The following PHLPP1 variants were observed in gnomAD, a reference collection of about 807,000 sequenced individuals.
PHLPP1 encodes the protein PH domain leucine-rich repeat-containing protein phosphatase 1.
In PHLPP1, 42 loss-of-function variants were observed where a neutral mutation model predicts 117.2. The observed-to-expected ratio is 0.36, with a 90% CI of 0.28 to 0.46. The LOEUF is 0.46. Ranked by LOEUF, PHLPP1 falls within the 20% of genes least tolerant of loss-of-function variation. The pLI, the probability that PHLPP1 is intolerant of heterozygous loss-of-function variation, is 1.00. For missense variants in PHLPP1, 2,084 were observed against 2,241.9 expected (o/e 0.93, Z 1.42); for synonymous variants, 1,042 against 970.7 (o/e 1.07, Z -1.37).
intron 2 of PHLPP1, among the ~76,000 whole-genome samples, chr18:62,834,154 T>A (rs1046594596): frequency 6.6e-6 from 1 of 152,164 alleles, no homozygotes. Flanking sequence ...CCCAGCCTGA[T>A]GAAGTCTTGG....
chr18:62,964,521 G>GT (rs1910853239), intron 14 of PHLPP1, among the ~76,000 whole-genome samples: 2 of 152,118 alleles, frequency 1.3e-5, no homozygotes, highest in African/African-American at 4.8e-5. Context: ...TTTCCCTAAG[G>GT]TGTCATTTGG....
chr18:62,918,494 A>G (rs923902289), intron 9 of PHLPP1, among the ~76,000 whole-genome samples: 6 of 150,968 alleles, frequency 4.0e-5, no homozygotes, highest in Admixed American at 1.3e-4. Flanking sequence ...CATTACAGAG[A>G]CTGCCCTGTG....
At chr18:62,717,370 G>A in intron 1 of PHLPP1, 111 bp downstream of exon 1, 1 of 1,400,788 alleles carries the variant, frequency 7.1e-7, no homozygotes, top group African/African-American at 1.4e-5. Context: ...GGGTCCTGAT[G>A]AGTCTTTGTC....
At chr18:62,919,713 G>C (rs186760506) in intron 9 of PHLPP1, among the ~76,000 whole-genome samples, 1 of 152,274 alleles carries the variant, frequency 6.6e-6, no homozygotes, top group East Asian at 1.9e-4. Context: ...GATCTCTTCA[G>C]TGCGTACATC....
At chr18:62,813,829 A>G (rs1321701236) in intron 1 of PHLPP1, among the ~76,000 whole-genome samples, 3 of 152,056 alleles carry the variant, frequency 2.0e-5, no homozygotes, top group Admixed American at 6.5e-5. Context: ...CAGCATTTTA[A>G]TGTATTATTT....
At chr18:62,882,377 TCCTG>T (rs1176510055) in intron 4 of PHLPP1, among the ~76,000 whole-genome samples, 2 of 151,920 alleles carry the variant, frequency 1.3e-5, no homozygotes, top group African/African-American at 4.8e-5. Flanking sequence ...CACGCCATTC[TCCTG>T]CCTCAGCCTC....
chr18:62,789,364 G>A (rs1828694868), intron 1 of PHLPP1, among the ~76,000 whole-genome samples: 1 of 151,990 alleles, frequency 6.6e-6, no homozygotes, highest in African/African-American at 2.4e-5. Context: ...TATGTGTTGT[G>A]TGTAGCTGTA....
chr18:62,895,284 A>G, intron 5 of PHLPP1, 127 bp downstream of exon 5: 1 of 886,040 alleles, frequency 1.1e-6, no homozygotes, highest in Non-Finnish European at 1.7e-6. Flanking sequence ...AAATCAAGAG[A>G]TCAGGGACTA....
At chr18:62,739,470 G>A (rs1294110509) in intron 1 of PHLPP1, among the ~76,000 whole-genome samples, 1 of 152,070 alleles carries the variant, frequency 6.6e-6, no homozygotes, top group Non-Finnish European at 1.5e-5. Flanking sequence ...TTCTGGGTGG[G>A]TACATATACA....
At chr18:62,790,450 T>A (rs1480206517) in intron 1 of PHLPP1, among the ~76,000 whole-genome samples, 1 of 152,178 alleles carries the variant, frequency 6.6e-6, no homozygotes, top group Non-Finnish European at 1.5e-5. Flanking sequence ...TTTATTTGAT[T>A]TTTGACCAGG....
rs573408537 is a variant in PHLPP1 at position 62,753,158 on chromosome 18, G to GT, written c.1576+35905dup. On this transcript the variant is annotated intron_variant, in intron 1 of 16. Transcript: ENST00000262719. ...AATAGTGCAGAGCTTTTTCTGTTTT[G>GT]TTTTTTAGTGAGGTGGGCATGAGGA... Among the ~76,000 whole-genome samples, 175 of 152,240 alleles carry GT rather than the reference G, an allele frequency of 1.1e-3. 1 individual carries two copies. The highest frequency in any genetic ancestry group is 2.3e-3 in the Non-Finnish European group (154 of 67,984).
At chr18:62,864,566 A>T (rs1254084816) in intron 4 of PHLPP1, among the ~76,000 whole-genome samples, 2 of 152,260 alleles carry the variant, frequency 1.3e-5, no homozygotes, top group Non-Finnish European at 2.9e-5. Context: ...TTAAGAAAAC[A>T]TTCAGTAAGC....
chr18:62,829,117 C>CT (rs1357278894), intron 1 of PHLPP1, among the ~76,000 whole-genome samples: 5 of 152,164 alleles, frequency 3.3e-5, no homozygotes. Context: ...GCTTATTTCT[C>CT]TGTCTCTGTG....
intron 1 of PHLPP1, among the ~76,000 whole-genome samples, chr18:62,799,832 T>C (rs1331717364): frequency 2.0e-5 from 3 of 152,200 alleles, no homozygotes; most frequent in African/African-American, 7.2e-5. Flanking sequence ...CTCTTAAATG[T>C]TCATTAAAAC....
intron 4 of PHLPP1, among the ~76,000 whole-genome samples, chr18:62,863,018 C>CCAG (rs1056474711): frequency 1.2e-4 from 18 of 150,172 alleles, no homozygotes; most frequent in African/African-American, 4.4e-4. Context: ...CTGTAGCTGA[C>CCAG]GTGTACTATG....
chr18:62,807,231 G>A (rs533169617), intron 1 of PHLPP1, among the ~76,000 whole-genome samples: 1 of 152,210 alleles, frequency 6.6e-6, no homozygotes, highest in Admixed American at 6.5e-5. Context: ...TTGAGAGAGT[G>A]ATGGTGAATT....
intron 4 of PHLPP1, among the ~76,000 whole-genome samples, chr18:62,868,026 G>T (rs1915810534): frequency 6.6e-6 from 1 of 152,018 alleles, no homozygotes; most frequent in Non-Finnish European, 1.5e-5. Context: ...TAGCCAGGAT[G>T]GTCTCGATCT....
At chr18:62,875,323 C>T (rs1377929345) in intron 4 of PHLPP1, among the ~76,000 whole-genome samples, 3 of 152,048 alleles carry the variant, frequency 2.0e-5, no homozygotes, top group Non-Finnish European at 4.4e-5. Context: ...ATACCACCAG[C>T]GTTTTTGTTT....
chr18:62,760,667 C>A (rs145858284), intron 1 of PHLPP1, among the ~76,000 whole-genome samples: 40 of 152,292 alleles, frequency 2.6e-4, no homozygotes, highest in African/African-American at 9.1e-4. Context: ...TTTCTTCCTC[C>A]ACGTCCACAT....
Sources: allele counts gnomAD v4.1 joint callset (sites outside exome capture counted in the v4.1 genomes callset), GRCh38; gene constraint gnomAD v4.1.1; transcripts MANE v1.5; gene names NCBI Gene and HGNC (gene_info 2026-07-23, HGNC 2026-07-21).